CCSER1: variants seen among roughly 807,000 people sequenced by gnomAD.
CCSER1 encodes serine-rich coiled-coil domain-containing protein 1.
A neutral mutation model predicts 82.0 loss-of-function variants in CCSER1; 41 were observed. That is an observed-to-expected ratio of 0.50 (90% CI 0.39 to 0.65). CCSER1 has a LOEUF of 0.65. Among genes scored for constraint, CCSER1 ranks in the 30% least tolerant of loss-of-function variants. The probability of loss-of-function intolerance (pLI) is 0.00; values close to 1 mark genes in which losing one functional copy is unlikely to be tolerated. For missense variants in CCSER1, 1,119 were observed against 1,064.2 expected (o/e 1.05, Z -0.72); for synonymous variants, 414 against 383.9 (o/e 1.08, Z -0.92).
intron 8 of CCSER1, among the ~76,000 whole-genome samples, chr4:90,817,391 C>T (rs538349796): frequency 1.1e-4 from 16 of 152,100 alleles, no homozygotes; most frequent in African/African-American, 3.9e-4. Flanking sequence ...ATTGGACCTT[C>T]ATTTGCTGAA....
At chr4:90,599,079 A>G (rs1783724239) in intron 5 of CCSER1, among the ~76,000 whole-genome samples, 1 of 152,122 alleles carries the variant, frequency 6.6e-6, no homozygotes, top group Non-Finnish European at 1.5e-5. Flanking sequence ...TAGTACAGCC[A>G]TGTGAATCCC....
intron 10 of CCSER1, among the ~76,000 whole-genome samples, chr4:91,349,456 A>G (rs1337645448): frequency 6.6e-6 from 1 of 152,140 alleles, no homozygotes; most frequent in Admixed American, 6.5e-5. Flanking sequence ...CAAATGGTCT[A>G]AAGTCTTACA....
chr4:91,117,507 T>C (rs1399286707), intron 10 of CCSER1, among the ~76,000 whole-genome samples: 3 of 152,266 alleles, frequency 2.0e-5, no homozygotes, highest in Non-Finnish European at 4.4e-5. Flanking sequence ...GCTTATTAAG[T>C]GGATGAATAG....
intron 1 of CCSER1, among the ~76,000 whole-genome samples, chr4:90,203,096 G>A (rs1278566394): frequency 1.3e-5 from 2 of 152,110 alleles, no homozygotes; most frequent in Non-Finnish European, 2.9e-5. Flanking sequence ...AAACAACTAT[G>A]ATTTCTGTAC....
chr4:90,268,706 G>C (rs1268591212), intron 1 of CCSER1, among the ~76,000 whole-genome samples: 5 of 151,956 alleles, frequency 3.3e-5, no homozygotes, highest in Non-Finnish European at 7.4e-5. Flanking sequence ...TTATCAATGA[G>C]AACATTGAAT....
intron 10 of CCSER1, among the ~76,000 whole-genome samples, chr4:91,178,568 T>C (rs575380766): frequency 6.6e-5 from 10 of 152,290 alleles, no homozygotes; most frequent in Admixed American, 3.9e-4. Flanking sequence ...TGTAATGGCC[T>C]TCCTTCTCTT....
At chr4:90,226,094 T>G (rs1330517957) in intron 1 of CCSER1, among the ~76,000 whole-genome samples, 2 of 152,206 alleles carry the variant, frequency 1.3e-5, no homozygotes, top group South Asian at 2.1e-4. Flanking sequence ...AGCTAGCAGT[T>G]CTTCCACCTA....
At chr4:90,315,209 G>A (rs1013431808) in intron 3 of CCSER1, among the ~76,000 whole-genome samples, 1 of 151,970 alleles carries the variant, frequency 6.6e-6, no homozygotes, top group African/African-American at 2.4e-5. Flanking sequence ...TTCCTTTGAG[G>A]CCTTATATTT....
intron 3 of CCSER1, among the ~76,000 whole-genome samples, chr4:90,367,634 A>C (rs912356482): frequency 6.6e-6 from 1 of 151,990 alleles, no homozygotes; most frequent in African/African-American, 2.4e-5. Context: ...TAAGAATATA[A>C]AATGAGGAAA....
chr4:90,278,676 A>T (rs954027507), intron 1 of CCSER1, among the ~76,000 whole-genome samples: 2 of 151,736 alleles, frequency 1.3e-5, no homozygotes, highest in African/African-American at 4.8e-5. Context: ...GACCACTAGA[A>T]AAAGGGGGGA....
intron 10 of CCSER1, chr4:91,319,779 C>T (rs1746073153): frequency 6.6e-6 from 3 of 451,496 alleles, no homozygotes; most frequent in Non-Finnish European, 1.3e-5. Context: ...TTCTCTTATG[C>T]TCTAAAGTCC....
At chr4:90,404,219 A>G (rs1466331617) in intron 4 of CCSER1, 2 of 152,236 alleles carry the variant, frequency 1.3e-5, no homozygotes, top group Non-Finnish European at 2.9e-5. Flanking sequence ...GGCAAATTAT[A>G]TGACTCAGCA....
chr4:90,904,288 C>T (rs1014515225), intron 8 of CCSER1, among the ~76,000 whole-genome samples: 3 of 152,128 alleles, frequency 2.0e-5, no homozygotes, highest in Non-Finnish European at 4.4e-5. Flanking sequence ...TACTTTCACT[C>T]TCTGCACTCA....
At chr4:90,273,555 A>G (rs1399457717) in intron 1 of CCSER1, among the ~76,000 whole-genome samples, 6 of 152,180 alleles carry the variant, frequency 3.9e-5, no homozygotes, top group Admixed American at 3.9e-4. Flanking sequence ...TAGAGACTTT[A>G]TTTTGTGGAT....
In CCSER1 at chr4:90,413,783, A is replaced by C. The variant is rs547747265; in HGVS notation, c.1603+13654A>C. On this transcript the variant is annotated intron_variant, in intron 4 of 10. Coordinates refer to ENST00000509176, the MANE Select transcript of CCSER1 (RefSeq NM_001145065.2). ...ACGGTGAAACCCCGTCTCCACTAAA[A>C]ATACAAAAAAAAAAAATTAGCCGCG... Among the ~76,000 whole-genome samples the C allele has an allele frequency of 7.5e-5, 11 of 146,034 alleles. No homozygotes were observed. The South Asian group carries it at 2.3e-3, about 31-fold the overall frequency.
intron 1 of CCSER1, among the ~76,000 whole-genome samples, chr4:90,220,011 G>A (rs1015484767): frequency 1.3e-5 from 2 of 152,126 alleles, no homozygotes; most frequent in African/African-American, 4.8e-5. Flanking sequence ...CGATTTCTAT[G>A]ATTTCAGTTA....
chr4:90,733,187 G>A (rs755792291), intron 7 of CCSER1, among the ~76,000 whole-genome samples: 7 of 152,026 alleles, frequency 4.6e-5, no homozygotes, highest in African/African-American at 7.2e-5. Flanking sequence ...ATCCTCCAAA[G>A]CATTTGTTAT....
intron 3 of CCSER1, 165 bp downstream of exon 3, chr4:90,313,212 C>G: frequency 1.6e-6 from 1 of 613,254 alleles, no homozygotes; most frequent in South Asian, 2.1e-5. Flanking sequence ...AAATTTTTCA[C>G]CTAGGTCAGG....
intron 6 of CCSER1, among the ~76,000 whole-genome samples, chr4:90,706,905 G>C (rs1739457739): frequency 6.6e-6 from 1 of 152,174 alleles, no homozygotes; most frequent in African/African-American, 2.4e-5. Context: ...CTTCCAAGTA[G>C]CATAAGCTCA....
Sources: allele counts gnomAD v4.1 joint callset (sites outside exome capture counted in the v4.1 genomes callset), GRCh38; gene constraint gnomAD v4.1.1; transcripts MANE v1.5; gene names NCBI Gene and HGNC (gene_info 2026-07-23, HGNC 2026-07-21).